Variants in AGBL1 observed in about 807,000 individuals in gnomAD.
AGBL1 encodes the protein AGBL carboxypeptidase 1, also known as cytosolic carboxypeptidase 4.
AGBL1 carries 130 observed loss-of-function variants against 118.9 expected under a neutral mutation model. That is an observed-to-expected ratio of 1.09 (90% CI 0.95 to 1.26). The LOEUF is 1.26. AGBL1 is among the 50% of genes most tolerant of loss of function. The probability of loss-of-function intolerance (pLI) is 0.00; values close to 1 mark genes in which losing one functional copy is unlikely to be tolerated. For synonymous variants in AGBL1, 555 were observed against 478.9 expected, an observed-to-expected ratio of 1.16 and a Z score of -2.08; for missense variants, 1,584 against 1,298.1, an observed-to-expected ratio of 1.22 and a Z score of -3.38.
chr15:86,420,303 G>C (rs1296660602), intron 18 of AGBL1, among the ~76,000 whole-genome samples: 1 of 152,084 alleles, frequency 6.6e-6, no homozygotes, highest in Non-Finnish European at 1.5e-5. Context: ...TGCAGCCTCT[G>C]CTGGTGACAC....
chr15:86,320,048 C>T (rs1192324158), intron 17 of AGBL1, among the ~76,000 whole-genome samples: 3 of 152,100 alleles, frequency 2.0e-5, no homozygotes, highest in African/African-American at 7.2e-5. Context: ...TGAGCCACTG[C>T]ACCCGGCCTC....
At position 86,965,296 on chromosome 15, in the gene AGBL1, G is replaced by C. The variant is rs144918281; in HGVS notation, c.3222-22691G>C. 2.7e-3 allele frequency among the ~76,000 whole-genome samples: 418 copies of C among 152,174 alleles called. 1 individual carries two copies. Among genetic ancestry groups the C allele is most frequent in the African/African-American group, 9.3e-3 (385 of 41,542 alleles). On this transcript the variant is annotated intron_variant, in intron 23 of 24. Coordinates refer to the AGBL1 transcript ENST00000441037. The stretch of plus-strand genomic sequence containing the variant: ...CTCCACATCCTCTCCAGCATCTGCT[G>C]TTTCCTGACTTTTTAATGATTGCCA...
intron 24 of AGBL1, among the ~76,000 whole-genome samples, chr15:87,004,725 G>A (rs537154002): frequency 6.6e-6 from 1 of 152,276 alleles, no homozygotes; most frequent in Admixed American, 6.5e-5. Flanking sequence ...ATTTGATCCT[G>A]TCATTATGAT....
intron 23 of AGBL1, among the ~76,000 whole-genome samples, chr15:86,929,577 A>C (rs1405648804): frequency 6.6e-6 from 1 of 150,736 alleles, no homozygotes; most frequent in African/African-American, 2.4e-5. Context: ...AGAGATTCCC[A>C]GTCTAGCAAG....
In AGBL1 at chr15:86,563,470, T is replaced by A. The variant is rs1196642444; in HGVS notation, c.2994+8933T>A. ...TGAGCGGTTTTGAGTGAGTTTTTAA[T>A]CCTGAGTTCTTGTTTGATTGCACTG... On this transcript the variant is annotated intron_variant, in intron 21 of 22. Coordinates refer to ENST00000614907, the MANE Select transcript of AGBL1 (RefSeq NM_001386094.1). Among the ~76,000 whole-genome samples the A allele has an allele frequency of 1.3e-5, 2 of 152,146 alleles. 1 individual carries two copies. The highest frequency in any genetic ancestry group is 1.3e-4 in the Admixed American group (2 of 15,274).
chr15:86,967,585 C>A (rs1194876115), intron 23 of AGBL1, among the ~76,000 whole-genome samples: 2 of 152,082 alleles, frequency 1.3e-5, no homozygotes, highest in South Asian at 4.1e-4. Flanking sequence ...AATAGGGAAT[C>A]GTTTCCCCAT....
At chr15:86,562,951 C>G (rs2083849842) in intron 21 of AGBL1, among the ~76,000 whole-genome samples, 1 of 152,116 alleles carries the variant, frequency 6.6e-6, no homozygotes, top group Admixed American at 6.6e-5. Context: ...GTAGTATTCT[C>G]TGATGGTAGT....
At chr15:86,535,867 T>C (rs557565362) in intron 19 of AGBL1, among the ~76,000 whole-genome samples, 1 of 152,352 alleles carries the variant, frequency 6.6e-6, no homozygotes, top group African/African-American at 2.4e-5. Flanking sequence ...TTGTTTTATT[T>C]CCACTTTATT....
intron 21 of AGBL1, among the ~76,000 whole-genome samples, chr15:86,665,821 T>A (rs928701146): frequency 1.3e-5 from 2 of 152,104 alleles, no homozygotes; most frequent in African/African-American, 2.4e-5. Flanking sequence ...CCAACTGCTT[T>A]TGAGTTTTTA....
At chr15:86,365,763 T>A (rs914502768) in intron 17 of AGBL1, among the ~76,000 whole-genome samples, 7 of 152,200 alleles carry the variant, frequency 4.6e-5, no homozygotes, top group Non-Finnish European at 7.3e-5. Flanking sequence ...ATACATTTTT[T>A]AAAATGTTTT....
At chr15:86,543,267 T>A (rs974959336) in intron 19 of AGBL1, among the ~76,000 whole-genome samples, 4 of 152,164 alleles carry the variant, frequency 2.6e-5, no homozygotes, top group African/African-American at 9.6e-5. Flanking sequence ...GCTTCCTCTC[T>A]ACTACAAGGA....
intron 11 of AGBL1, among the ~76,000 whole-genome samples, chr15:86,265,504 C>A (rs1410508817): frequency 6.6e-6 from 1 of 152,196 alleles, no homozygotes; most frequent in East Asian, 1.9e-4. Flanking sequence ...TGAAAAAAAA[C>A]TGTATGCACA....
chr15:86,204,449 G>A (rs2077956808), intron 5 of AGBL1, among the ~76,000 whole-genome samples: 1 of 152,018 alleles, frequency 6.6e-6, no homozygotes, highest in Admixed American at 6.5e-5. Context: ...TCCCATCAGA[G>A]TGGTGCATTG....
chr15:86,267,898 G>A (rs1210848407), intron 13 of AGBL1, among the ~76,000 whole-genome samples: 1 of 152,158 alleles, frequency 6.6e-6, no homozygotes, highest in Non-Finnish European at 1.5e-5. Context: ...GAATCAGAGT[G>A]CCAGGGTAAC....
At chr15:86,250,525 C>CAAAAAAAAAAAAAAAA (rs60432449) in intron 7 of AGBL1, among the ~76,000 whole-genome samples, 1 of 38,950 alleles carries the variant, frequency 2.6e-5, no homozygotes, top group African/African-American at 9.6e-5. Flanking sequence ...GACTCTGTCT[C>CAAAAAAAAAAAAAAAA]AAAAAAAAAA....
At chr15:86,826,667 C>G (rs569433722) in intron 22 of AGBL1, among the ~76,000 whole-genome samples, 69 of 152,128 alleles carry the variant, frequency 4.5e-4, no homozygotes, top group African/African-American at 1.6e-3. Context: ...TGTTACTGTT[C>G]TGGGGTCTAC....
At chr15:86,530,043 G>A (rs1202096428) in intron 19 of AGBL1, among the ~76,000 whole-genome samples, 4 of 127,480 alleles carry the variant, frequency 3.1e-5, no homozygotes, top group Admixed American at 2.2e-4. Context: ...GGAAGAAACT[G>A]CATCAACTAA....
intron 17 of AGBL1, among the ~76,000 whole-genome samples, chr15:86,303,992 A>G (rs183202155): frequency 3.0e-4 from 45 of 152,260 alleles, no homozygotes; most frequent in Admixed American, 2.7e-3. Flanking sequence ...TCTAAACCCC[A>G]TAATCGTAAC....
intron 22 of AGBL1, among the ~76,000 whole-genome samples, chr15:86,715,903 C>A (rs2086630626): frequency 6.6e-6 from 1 of 151,510 alleles, no homozygotes; most frequent in South Asian, 2.1e-4. Flanking sequence ...CTAAAAAATA[C>A]AAAAAATTAG....
Sources: allele counts gnomAD v4.1 joint callset (sites outside exome capture counted in the v4.1 genomes callset), GRCh38; gene constraint gnomAD v4.1.1; transcripts MANE v1.5; gene names NCBI Gene and HGNC (gene_info 2026-07-23, HGNC 2026-07-21).